The following TBC1D1 variants were observed in gnomAD, a reference collection of about 807,000 sequenced individuals.
The protein encoded by TBC1D1 is TBC1 (tre-2/USP6, BUB2, cdc16) domain family, member 1.
A neutral mutation model predicts 125.6 loss-of-function variants in TBC1D1; 89 were observed. The ratio of observed to expected loss-of-function variants is 0.71; its 90% confidence interval spans 0.60 to 0.85. TBC1D1 has a LOEUF of 0.85. Ranked by LOEUF, TBC1D1 falls within the 40% of genes least tolerant of loss-of-function variation. TBC1D1 has a pLI of 0.00. For synonymous variants in TBC1D1, 565 were observed against 564.1 expected (o/e 1.00, Z -0.02); for missense variants, 1,377 against 1,469.2 (o/e 0.94, Z 1.03).
chr4:38,095,448 C>T (rs1307912146), intron 13 of TBC1D1, among the ~76,000 whole-genome samples: 1 of 152,154 alleles, frequency 6.6e-6, no homozygotes, highest in Non-Finnish European at 1.5e-5. Context: ...TTCAGTTTAA[C>T]TCCAAGAAGC....
chr4:37,924,634 T>C (rs977634655), intron 2 of TBC1D1, among the ~76,000 whole-genome samples: 1 of 152,234 alleles, frequency 6.6e-6, no homozygotes, highest in African/African-American at 2.4e-5. Flanking sequence ...TATTTCTCCT[T>C]CTGTGTCTGG....
chr4:37,972,892 A>C (rs1376999103), intron 2 of TBC1D1, among the ~76,000 whole-genome samples: 1 of 144,512 alleles, frequency 6.9e-6, no homozygotes, highest in Non-Finnish European at 1.5e-5. Context: ...ACAAGAGCGA[A>C]ACTCCATCTC....
intron 12 of TBC1D1, among the ~76,000 whole-genome samples, chr4:38,077,634 T>G (rs1328227394): frequency 2.0e-5 from 3 of 151,120 alleles, no homozygotes; most frequent in Non-Finnish European, 4.4e-5. Context: ...ACCTTAATTT[T>G]TTTTTTTTTT....
At chr4:38,059,263 C>T (rs958252842) in intron 12 of TBC1D1, among the ~76,000 whole-genome samples, 1 of 152,132 alleles carries the variant, frequency 6.6e-6, no homozygotes, top group South Asian at 2.1e-4. Flanking sequence ...GTAAGAATTA[C>T]AGCCTTAAGT....
chr4:37,961,610 G>A (rs1325713498), intron 2 of TBC1D1, among the ~76,000 whole-genome samples: 1 of 152,228 alleles, frequency 6.6e-6, no homozygotes, highest in Admixed American at 6.5e-5. Context: ...CAGATCACCT[G>A]AGAGGCTTCA....
intron 2 of TBC1D1, among the ~76,000 whole-genome samples, chr4:37,971,786 C>A (rs772408555): frequency 2.0e-5 from 3 of 152,150 alleles, no homozygotes; most frequent in Non-Finnish European, 4.4e-5. Context: ...TTTAAGTAAA[C>A]CCAGAGTCAA....
chr4:37,976,199 G>A (rs1056755388), intron 2 of TBC1D1, among the ~76,000 whole-genome samples: 2 of 152,212 alleles, frequency 1.3e-5, no homozygotes, highest in African/African-American at 4.8e-5. Flanking sequence ...CAGAGGCCCT[G>A]AGTCCAGCAG....
Position 38,118,016 on chromosome 4 carries a change from T to G in TBC1D1, c.2803-17T>G, listed in dbSNP as rs202012047. 2.5e-6 allele frequency: 4 copies of G among 1,613,502 alleles called. No individual in the cohort carries two copies. The highest frequency in any genetic ancestry group is 2.5e-6 in the Non-Finnish European group (3 of 1,179,604). On this transcript the variant is annotated splice_polypyrimidine_tract_variant and intron_variant, in intron 16 of 19. Coordinates refer to ENST00000261439, the MANE Select transcript of TBC1D1 (RefSeq NM_015173.4). ...GCAGATCCCTAATTCTCAGCCCTTG[T>G]GGCTGTCTTCCTGCAGATCCAGATG...
Position 38,014,734 on chromosome 4 carries a change from A to ACCCCCCCCCCCCCCCCCCCCCCCGGG in TBC1D1, c.643_644insCCCCCCCCCCCCCCCCCCCCCCCGGG (p.Asn215ThrfsTer105). On this transcript the variant is annotated frameshift_variant, in exon 3 of 20. Coordinates refer to ENST00000261439, the MANE Select transcript of TBC1D1 (RefSeq NM_015173.4). LOFTEE classifies it high-confidence loss of function. The surrounding 1 kb of genome is among the most constrained non-coding windows in gnomAD (Gnocchi z 5.1). The stretch of plus-strand genomic sequence containing the variant: ...CCGGGGGTCCGAGAGCCCCCGCCCC[A>ACCCCCCCCCCCCCCCCCCCCCCCGGG]ACCCGCCCCATGCCGCGCCCACAGG... 1.2e-6 allele frequency: 1 copy of ACCCCCCCCCCCCCCCCCCCCCCCGGG among 851,596 alleles called. No individual in the cohort carries two copies. The highest frequency in any genetic ancestry group is 1.9e-6 in the Non-Finnish European group (1 of 536,516). 52.8% of individuals were successfully genotyped at this position (851,596 alleles called of 1,614,324 possible).
intron 19 of TBC1D1, among the ~76,000 whole-genome samples, chr4:38,134,342 A>G (rs1328358786): frequency 6.6e-6 from 1 of 152,216 alleles, no homozygotes; most frequent in African/African-American, 2.4e-5. Context: ...GAGAGGAACC[A>G]AGACCGAATG....
chr4:38,116,257 T>C (rs1028393761), intron 16 of TBC1D1, among the ~76,000 whole-genome samples: 1 of 152,158 alleles, frequency 6.6e-6, no homozygotes, highest in African/African-American at 2.4e-5. Flanking sequence ...CCTCTCTGAC[T>C]CTAGGGCCTT....
intron 2 of TBC1D1, among the ~76,000 whole-genome samples, chr4:37,953,721 C>T (rs1728350164): frequency 1.3e-5 from 2 of 152,102 alleles, no homozygotes; most frequent in African/African-American, 4.8e-5. Context: ...GAGGGATAAA[C>T]ATGAGCCACG....
intron 2 of TBC1D1, among the ~76,000 whole-genome samples, chr4:37,912,588 G>C (rs59122851): frequency 0.018 from 2,677 of 152,324 alleles, 83 homozygotes; most frequent in African/African-American, 0.061. Context: ...TGTGTTGAAA[G>C]TTAACGACCA....
intron 4 of TBC1D1, among the ~76,000 whole-genome samples, chr4:38,020,016 CAACA>C (rs747219328): frequency 2.6e-5 from 4 of 152,150 alleles, no homozygotes; most frequent in African/African-American, 9.6e-5. Flanking sequence ...TCAAACAAAA[CAACA>C]AACAAATACT....
At chr4:38,006,635 C>A (rs112231096) in intron 2 of TBC1D1, 2 of 224,784 alleles carry the variant, frequency 8.9e-6, no homozygotes, top group Non-Finnish European at 1.8e-5. Flanking sequence ...TGTGCCACCA[C>A]GCCCGGCTAA....
intron 2 of TBC1D1, among the ~76,000 whole-genome samples, chr4:37,957,887 T>C (rs554164432): frequency 1.7e-4 from 26 of 152,226 alleles, no homozygotes; most frequent in Admixed American, 5.2e-4. Flanking sequence ...ATGCAACAGA[T>C]GATAGTTTTT....
intron 19 of TBC1D1, 63 bp downstream of exon 21, chr4:38,133,320 A>G: frequency 6.7e-7 from 1 of 1,491,390 alleles, no homozygotes; most frequent in Non-Finnish European, 9.2e-7. Flanking sequence ...TTAACTCACC[A>G]AAGGCAACAG....
intron 6 of TBC1D1, among the ~76,000 whole-genome samples, chr4:38,027,177 T>G (rs1180884935): frequency 6.6e-6 from 1 of 152,240 alleles, no homozygotes; most frequent in Non-Finnish European, 1.5e-5. Flanking sequence ...CTCTGGGTCT[T>G]AGTTTTCTTA....
At chr4:38,092,079 A>G (rs1161467822) in intron 13 of TBC1D1, among the ~76,000 whole-genome samples, 5 of 152,248 alleles carry the variant, frequency 3.3e-5, no homozygotes, top group Non-Finnish European at 7.3e-5. Context: ...ATAACTAGCA[A>G]TAACAGCCTG....
Sources: allele counts gnomAD v4.1 joint callset (sites outside exome capture counted in the v4.1 genomes callset), GRCh38; gene constraint gnomAD v4.1.1; non-coding constraint Gnocchi (gnomAD v3.1); transcripts MANE v1.5; gene names NCBI Gene and HGNC (gene_info 2026-07-23, HGNC 2026-07-21).